F5: variants seen among roughly 807,000 people sequenced by gnomAD.
The protein encoded by F5 is activated protein c cofactor.
A neutral mutation model predicts 216.4 loss-of-function variants in F5; 138 were observed. The observed-to-expected ratio is 0.64, with a 90% confidence interval of 0.56 to 0.73. The LOEUF is 0.73. F5 is among the 30% of genes least tolerant of loss of function. The pLI is 0.00. For missense variants in F5, 2,403 were observed against 2,674.0 expected (o/e 0.90, Z 2.24); for synonymous variants, 916 against 930.7 (o/e 0.98, Z 0.29).
In F5 at chr1:169,559,173, T is replaced by A; in HGVS notation, c.710A>T (p.Tyr237Phe). 4.3e-6 allele frequency: 7 copies of A among 1,613,834 alleles called. No individual in the cohort carries two copies. The highest frequency in any genetic ancestry group is 5.9e-6 in the Non-Finnish European group (7 of 1,179,776). Residue 237 changes from tyrosine to phenylalanine, a missense_variant, in exon 5 of 25, where the codon TAT (tyrosine) becomes TTT (phenylalanine). This residue lies in a region of F5 where 1,425 missense variants were observed against 1,554.8 expected (regional missense o/e 0.92). Transcript: ENST00000367797. ...GTTACCTGGCATTGTCCCATTCACA[T>A]ATCCATTGACTGTGTACATTAGGGA... ...SSSLMYTVNG[Y>F]VNGTMPDITV... is the part of the protein sequence containing the mutation.
intron 5 of F5, 47 bp downstream of exon 5, chr1:169,559,106 T>TACTAATGA (rs1283027759): frequency 6.2e-7 from 1 of 1,610,868 alleles, no homozygotes; most frequent in Non-Finnish European, 8.5e-7. Context: ...ACCGAAAAAT[T>TACTAATGA]ACTAATGATT....
At chr1:169,576,092 A>G (rs1379794435) in intron 2 of F5, among the ~76,000 whole-genome samples, 2 of 152,220 alleles carry the variant, frequency 1.3e-5, no homozygotes, top group East Asian at 3.9e-4. Context: ...ACAAGGAAAC[A>G]ATTCTCCCCC....
At chr1:169,570,473 T>A (rs9332539) in intron 3 of F5, among the ~76,000 whole-genome samples, 4,590 of 152,208 alleles carry the variant, frequency 0.03, 230 homozygotes, top group African/African-American at 0.1. Context: ...TTTAAGAACA[T>A]AGGAGAAACT....
chr1:169,552,496 A>G, intron 8 of F5, 61 bp downstream of exon 8: 3 of 1,341,038 alleles, frequency 2.2e-6, no homozygotes, highest in Non-Finnish European at 3.2e-6. Context: ...AAAAATAACC[A>G]GGTACTCCAT....
chr1:169,561,864 T>C (rs761433002), intron 3 of F5, among the ~76,000 whole-genome samples: 5 of 152,042 alleles, frequency 3.3e-5, no homozygotes, highest in Admixed American at 6.6e-5. Context: ...CTGAAGCAAC[T>C]ACACTTTTTG....
chr1:169,550,852 C>T (rs1179937224), intron 8 of F5, 113 bp from the exon 9 acceptor site: 2 of 773,722 alleles, frequency 2.6e-6, no homozygotes, highest in Admixed American at 2.0e-5. Flanking sequence ...TACATGTGTA[C>T]ACACAGTAGG....
chr1:169,527,275 G>A (rs997407011), intron 17 of F5, among the ~76,000 whole-genome samples: 1 of 152,012 alleles, frequency 6.6e-6, no homozygotes, highest in Non-Finnish European at 1.5e-5. Flanking sequence ...GACTTCCTAG[G>A]TTTTTATACT....
At position 169,556,864 on chromosome 1, in the gene F5, A is replaced by T. The variant is rs1475386774; in HGVS notation, c.734T>A (p.Ile245Lys). 6.2e-7 allele frequency: 1 copy of T among 1,613,424 alleles called. No homozygotes were observed. The highest frequency in any genetic ancestry group is 1.3e-5 in the African/African-American group (1 of 74,890). Residue 245 changes from isoleucine (I) to lysine (K), a missense_variant, in exon 6 of 25, where the codon ATA (isoleucine) becomes AAA (lysine). By Grantham distance (102) the Ile-to-Lys change is moderately radical. This residue lies in a region of F5 where 1,425 missense variants were observed against 1,554.8 expected (regional missense o/e 0.92). Coordinates refer to ENST00000367797, the MANE Select transcript of F5 (RefSeq NM_000130.5). ...NGYVNGTMPD[I>K]TVCAHDHISW... The stretch of plus-strand genomic sequence containing the variant: ...GATGTGGTCATGGGCACAAACTGTT[A>T]TATCTGAGAAAGAGGGAGAGACACA...
intron 2 of F5, among the ~76,000 whole-genome samples, chr1:169,576,049 G>A (rs1375828750): frequency 1.3e-5 from 2 of 152,068 alleles, no homozygotes; most frequent in Non-Finnish European, 2.9e-5. Flanking sequence ...CCATGAGCCC[G>A]TGAGTGTAGG....
At position 169,528,112 on chromosome 1, in the gene F5, T is replaced by C; in HGVS notation, c.5420-18A>G. Reference sequence around the variant, plus strand: ...ATTAATGGCTGAAAGGACAAAGAGTTGAAATCAATTAAAAATCTGTTGACA... The same window carrying C: ...ATTAATGGCTGAAAGGACAAAGAGTCGAAATCAATTAAAAATCTGTTGACA... On this transcript the variant is annotated intron_variant, in intron 16 of 24. Transcript: ENST00000367797. The C allele has an allele frequency of 1.9e-6, 3 of 1,613,346 alleles. No individual in the cohort carries two copies. The highest frequency in any genetic ancestry group is 2.5e-6 in the Non-Finnish European group (3 of 1,179,642).
intron 20 of F5, 128 bp downstream of exon 20, chr1:169,523,673 A>G: frequency 2.3e-6 from 2 of 884,892 alleles, no homozygotes; most frequent in Non-Finnish European, 3.7e-6. Context: ...TACTTAGAAC[A>G]GTGCCTCACA....
At position 169,582,458 on chromosome 1, in the gene F5, T is replaced by C; in HGVS notation, c.223A>G (p.Lys75Glu). The change falls in exon 2 of 25, where the codon AAA (lysine) becomes GAA (glutamate). Residue 75 changes from lysine to glutamate, a missense_variant. Physicochemically the swap from Lys to Glu is moderately conservative, Grantham distance 56 (BLOSUM62 1). This residue lies in a region of F5 where 1,425 missense variants were observed against 1,554.8 expected (regional missense o/e 0.92). Coordinates refer to ENST00000367797, the MANE Select transcript of F5 (RefSeq NM_000130.5). ...GAAATGGTAGATTGTGGTTTTTCTT[T>C]CTTAAAATATGGTTCATACTCTCTG... ...VYREYEPYFK[K>E]EKPQSTISGL... 1 of 1,544,278 alleles carries C rather than the reference T, an allele frequency of 6.5e-7. No individual in the cohort carries two copies. Among genetic ancestry groups the C allele is most frequent in the Non-Finnish European group, 8.9e-7 (1 of 1,122,072 alleles).
chr1:169,557,144 C>T (rs1441742322), intron 5 of F5, among the ~76,000 whole-genome samples: 1 of 152,132 alleles, frequency 6.6e-6, no homozygotes, highest in Non-Finnish European at 1.5e-5. Flanking sequence ...ACAGGGATTG[C>T]TAAAGGATTA....
intron 3 of F5, among the ~76,000 whole-genome samples, chr1:169,563,590 G>A (rs1255449065): frequency 8.6e-5 from 13 of 151,986 alleles, no homozygotes; most frequent in Non-Finnish European, 1.5e-5. Context: ...AGTGTCTAAT[G>A]TGCTATTAAT....
chr1:169,548,737 C>T (rs1894696), intron 10 of F5, among the ~76,000 whole-genome samples: 35,667 of 151,576 alleles, frequency 0.24, 4,285 homozygotes, highest in Admixed American at 0.33. Context: ...GGGGTGGTGG[C>T]GGGCGCCTGT....
chr1:169,549,005 GGA>G (rs1436617253), intron 10 of F5, among the ~76,000 whole-genome samples: 6 of 152,276 alleles, frequency 3.9e-5, no homozygotes, highest in Admixed American at 1.3e-4. Context: ...TAAGTGCAAA[GGA>G]TGAAAGAGAA....
chr1:169,516,498 G>A (rs574220410), intron 23 of F5, among the ~76,000 whole-genome samples: 8 of 152,270 alleles, frequency 5.3e-5, no homozygotes, highest in Admixed American at 1.3e-4. Context: ...GTATATATGT[G>A]TATACACAAA....
intron 2 of F5, among the ~76,000 whole-genome samples, chr1:169,581,982 C>A (rs1423035057): frequency 6.6e-6 from 1 of 152,148 alleles, no homozygotes; most frequent in Non-Finnish European, 1.5e-5. Context: ...CTCCATGAAC[C>A]CAGGATATGA....
chr1:169,548,380 G>A (rs1490305025), intron 10 of F5, among the ~76,000 whole-genome samples: 1 of 152,034 alleles, frequency 6.6e-6, no homozygotes, highest in East Asian at 1.9e-4. Context: ...AAAAAGTGCT[G>A]TATTCAGTCA....
Sources: allele counts gnomAD v4.1 joint callset (sites outside exome capture counted in the v4.1 genomes callset), GRCh38; gene constraint gnomAD v4.1.1; regional missense constraint gnomAD v4.1.1; transcripts MANE v1.5; gene names NCBI Gene and HGNC (gene_info 2026-07-23, HGNC 2026-07-21).